The following PRUNE2 variants were observed in gnomAD, a reference collection of about 807,000 sequenced individuals.
PRUNE2 encodes the protein prune homolog 2 with BCH domain.
PRUNE2 carries 164 observed loss-of-function variants against 252.0 expected under a neutral mutation model. The observed-to-expected ratio is 0.65, with a 90% CI of 0.57 to 0.74. The LOEUF (loss-of-function observed/expected upper bound fraction) is 0.74. Ranked by LOEUF, PRUNE2 falls within the 30% of genes least tolerant of loss-of-function variation. The pLI, the probability that PRUNE2 is intolerant of heterozygous loss-of-function variation, is 0.00. For missense variants in PRUNE2, 3,495 were observed against 3,711.0 expected (o/e 0.94, Z 1.51); for synonymous variants, 1,292 against 1,350.2 (o/e 0.96, Z 0.94).
chr9:76,751,707 T>C (rs117203000), intron 6 of PRUNE2, among the ~76,000 whole-genome samples: 221 of 152,340 alleles, frequency 1.5e-3, no homozygotes, highest in Non-Finnish European at 2.8e-3. Context: ...TAGAAACTCT[T>C]ACTGATCCCT....
At chr9:76,644,237 T>G (rs965246879) in intron 12 of PRUNE2, among the ~76,000 whole-genome samples, 4 of 152,062 alleles carry the variant, frequency 2.6e-5, no homozygotes, top group African/African-American at 9.7e-5. Flanking sequence ...TTTAATGTAG[T>G]TTACTAGTTT....
Position 76,711,280 on chromosome 9 carries a change from C to G in PRUNE2, c.994G>C (p.Val332Leu). ...ACTGAAGGGTCCTCTTGTTGGTACA[C>G]CAGGATCTCATCACAGCCACAGTCA... The part of the protein sequence containing the change: ...PFDCGCDEIL[V>L]YQQEDPSVTC... The change falls in exon 8 of 19, where the codon GTG (valine) becomes CTG (leucine). Residue 332 changes from valine (V) to leucine (L), a missense_variant. Val to Leu is a conservative substitution (Grantham distance 32, BLOSUM62 1). Transcript: ENST00000376718. 6.2e-7 allele frequency: 1 copy of G among 1,613,848 alleles called. No individual in the cohort carries two copies. Among genetic ancestry groups the G allele is most frequent in the South Asian group, 1.1e-5 (1 of 91,044 alleles).
intron 18 of PRUNE2, chr9:76,615,329 A>T: frequency 1.5e-6 from 1 of 679,180 alleles, no homozygotes; most frequent in Non-Finnish European, 1.8e-6. Flanking sequence ...TAGTTTGCAA[A>T]GGGTGATTTG....
chr9:76,712,015 A>T (rs509489), intron 7 of PRUNE2, among the ~76,000 whole-genome samples: 1 of 151,940 alleles, frequency 6.6e-6, no homozygotes, highest in African/African-American at 2.4e-5. Context: ...CTGATTTTTA[A>T]GGAATGTCAG....
At chr9:76,829,653 C>A (rs1216243336) in intron 4 of PRUNE2, among the ~76,000 whole-genome samples, 1 of 152,126 alleles carries the variant, frequency 6.6e-6, no homozygotes, top group African/African-American at 2.4e-5. Context: ...CCTATACCAA[C>A]CCCTGCCTAG....
intron 8 of PRUNE2, 38 bp from the exon 9 acceptor site, chr9:76,704,137 G>A: frequency 1.4e-6 from 2 of 1,424,848 alleles, no homozygotes; most frequent in Non-Finnish European, 1.9e-6. Context: ...AGGAGAAAAA[G>A]GTTTAATTAA....
chr9:76,809,521 C>A (rs1459321233), intron 6 of PRUNE2, among the ~76,000 whole-genome samples: 2 of 152,088 alleles, frequency 1.3e-5, no homozygotes, highest in African/African-American at 4.8e-5. Flanking sequence ...CATGGTGAAA[C>A]CCCGTCTTTA....
chr9:76,639,396 C>A (rs948393818), intron 12 of PRUNE2, among the ~76,000 whole-genome samples: 23 of 152,114 alleles, frequency 1.5e-4, no homozygotes, highest in African/African-American at 5.3e-4. Flanking sequence ...AAGGCTGAGG[C>A]AGGAGAATTG....
intron 6 of PRUNE2, among the ~76,000 whole-genome samples, chr9:76,741,452 G>C (rs1564193091): frequency 1.3e-5 from 2 of 152,202 alleles, no homozygotes; most frequent in East Asian, 3.9e-4. Context: ...AAGGAGTCAG[G>C]CTGGTGGGAC....
rs1370618830 is a variant in PRUNE2, at chr9:76,705,871, A to C, written c.6403T>G (p.Cys2135Gly). Residue 2135 changes from cysteine to glycine, a missense_variant, in exon 8 of 19, where the codon TGT becomes GGT. By Grantham distance (159) the Cys-to-Gly change is radical. Transcript: ENST00000376718. ...TCATCTATCTCTGGCTCAGTGAGAC[A>C]AAGCTCACTGGATTCCACTTCAGGT... ...MGPEVESSEL[C>G]LTEPEIDEEP... is the part of the protein sequence containing the mutation. The C allele has an allele frequency of 3.1e-6, 5 of 1,613,598 alleles. No individual in the cohort carries two copies. In the African/African-American group the frequency reaches 6.7e-5, roughly 22 times the overall value.
At chr9:76,640,249 T>C (rs1841996787) in intron 12 of PRUNE2, among the ~76,000 whole-genome samples, 1 of 152,180 alleles carries the variant, frequency 6.6e-6, no homozygotes, top group Middle Eastern at 3.2e-3. Flanking sequence ...AGTAAAGTAA[T>C]GGCTGTGTAT....
At chr9:76,836,693 G>T (rs1277860719) in intron 4 of PRUNE2, among the ~76,000 whole-genome samples, 1 of 152,152 alleles carries the variant, frequency 6.6e-6, no homozygotes, top group Non-Finnish European at 1.5e-5. Context: ...CCTAGCTATT[G>T]TAAGAAGTAT....
Position 76,707,232 on chromosome 9 carries a change from A to G in PRUNE2, c.5042T>C (p.Ile1681Thr), listed in dbSNP as rs370154788. 2 of 1,613,902 alleles carry G rather than the reference A, an allele frequency of 1.2e-6. No homozygotes were observed. Among genetic ancestry groups the G allele is most frequent in the African/African-American group, 2.7e-5 (2 of 74,996 alleles). Residue 1681 changes from isoleucine (I) to threonine (T), a missense_variant, in exon 8 of 19, where the codon ATT becomes ACT. Physicochemically the swap from Ile to Thr is moderately conservative, Grantham distance 89. Transcript: ENST00000376718. ...ATCATCAGAACCTGAGCTTGTTGAAATGACCCTGGCATCCTCTGGCTGCAC... is the reference window on the plus strand; with the variant it reads ...ATCATCAGAACCTGAGCTTGTTGAAGTGACCCTGGCATCCTCTGGCTGCAC... ...ATVQPEDARVISTSSGSDDDS... is the reference protein window; with the variant it reads ...ATVQPEDARVTSTSSGSDDDS...
chr9:76,685,133 G>C (rs1300318649), intron 9 of PRUNE2, among the ~76,000 whole-genome samples: 1 of 152,192 alleles, frequency 6.6e-6, no homozygotes, highest in African/African-American at 2.4e-5. Context: ...TGCAAAATGG[G>C]AATGAGAGGA....
intron 4 of PRUNE2, among the ~76,000 whole-genome samples, chr9:76,844,705 C>T (rs1329536782): frequency 1.3e-5 from 2 of 152,104 alleles, no homozygotes; most frequent in African/African-American, 2.4e-5. Context: ...GGTTTAATGA[C>T]TCTGGCTCTT....
chr9:76,824,336 TTAAG>T (rs1308441337), intron 5 of PRUNE2, among the ~76,000 whole-genome samples: 2 of 152,090 alleles, frequency 1.3e-5, no homozygotes, highest in African/African-American at 4.8e-5. Flanking sequence ...TGCAAACTAG[TTAAG>T]TAACACCAAA....
intron 1 of PRUNE2, among the ~76,000 whole-genome samples, chr9:76,876,550 CG>C (rs573659598): frequency 2.1e-3 from 322 of 152,178 alleles, no homozygotes; most frequent in Non-Finnish European, 3.7e-3. Flanking sequence ...CTGTGCTACT[CG>C]GGGCTCCTCC....
intron 4 of PRUNE2, among the ~76,000 whole-genome samples, chr9:76,846,143 G>T (rs1272762909): frequency 6.6e-6 from 1 of 152,170 alleles, no homozygotes; most frequent in East Asian, 1.9e-4. Flanking sequence ...AGTATCAGCA[G>T]ATATTTCAAC....
At chr9:76,898,065 G>A (rs2062950549) in intron 1 of PRUNE2, among the ~76,000 whole-genome samples, 1 of 152,172 alleles carries the variant, frequency 6.6e-6, no homozygotes, top group Non-Finnish European at 1.5e-5. Flanking sequence ...CTGAGACCCG[G>A]GGAGGCTAAG....
Sources: gnomAD v4.1 joint callset for allele counts (sites outside exome capture counted in the v4.1 genomes callset) on GRCh38, gnomAD v4.1.1 for gene constraint, MANE v1.5 for transcripts, NCBI Gene and HGNC (gene_info 2026-07-23, HGNC 2026-07-21) for gene names.